The following SRRD variants were observed in gnomAD, a reference collection of about 807,000 sequenced individuals.
SRRD encodes the protein SRR1-like protein.
In SRRD, 28 loss-of-function variants were observed where a neutral mutation model predicts 30.7. That is an observed-to-expected ratio of 0.91 (90% CI 0.68 to 1.25). The LOEUF (loss-of-function observed/expected upper bound fraction) is 1.25. Ranked by LOEUF, SRRD falls within the 50% of genes most tolerant of loss-of-function variation. The pLI is 0.00. For synonymous variants in SRRD, 161 were observed against 159.6 expected (o/e 1.01, Z -0.07); for missense variants, 415 against 417.3 (o/e 0.99, Z 0.05).
intron 6 of SRRD, 74 bp downstream of exon 6, chr22:26,491,144 C>A (rs753393817): frequency 2.0e-6 from 3 of 1,470,118 alleles, no homozygotes; most frequent in Non-Finnish European, 2.8e-6. Context: ...TCTTTACAGG[C>A]GTAGGAGGAA....
rs1463957543 is a variant in SRRD at position 26,493,471 on chromosome 22, C to G, written c.*1799C>G. ...CAGACTAGACGATCCCATTTCAATG[C>G]TGCGAATCGGCTAATGAGCAACACT... On this transcript the variant is annotated 3_prime_UTR_variant, in exon 7 of 7. Coordinates refer to ENST00000215917, the MANE Select transcript of SRRD (RefSeq NM_001013694.3). The G allele has an allele frequency of 6.6e-6, 1 of 152,416 alleles. No homozygotes were observed. The highest frequency in any genetic ancestry group is 2.4e-5 in the African/African-American group (1 of 41,474). 9.4% of individuals were successfully genotyped at this position (152,416 alleles called of 1,614,324 possible).
Position 26,494,651 on chromosome 22 carries a change from A to C in SRRD, c.*2979A>C, listed in dbSNP as rs1441918989. On this transcript the variant is annotated 3_prime_UTR_variant, in exon 7 of 7. Coordinates refer to ENST00000215917, the MANE Select transcript of SRRD (RefSeq NM_001013694.3). ...GGCAAATGTCCAATAAATGGTGCCC[A>C]CTATGAAGATGACCTAACTCATTCC... The C allele has an allele frequency of 1.8e-6, 2 of 1,136,538 alleles. No homozygotes were observed. Among genetic ancestry groups the C allele is most frequent in the East Asian group, 2.5e-5 (1 of 40,328 alleles). 70.4% of individuals were successfully genotyped at this position (1,136,538 alleles called of 1,614,324 possible).
rs1921352068 is a variant in SRRD, at chr22:26,492,601, A to G, written c.*929A>G. On this transcript the variant is annotated 3_prime_UTR_variant, in exon 7 of 7. Coordinates refer to ENST00000215917, the MANE Select transcript of SRRD (RefSeq NM_001013694.3). The stretch of plus-strand genomic sequence containing the variant: ...AGTAACCAGATTATTAATATTCAAC[A>G]TTTTAAAATGAAGTATCTGCAAGGG... 1 of 531,910 alleles carries G rather than the reference A, an allele frequency of 1.9e-6. No homozygotes were observed. Among genetic ancestry groups the G allele is most frequent in the Admixed American group, 3.2e-5 (1 of 31,156 alleles). The allele number at this position is 531,910 out of a possible 1,614,324, so 32.9% of individuals were successfully genotyped here. A position where few individuals can be genotyped will look rare whatever the true frequency, so the allele number is the denominator to read the frequency against.
rs66831137 is a variant in SRRD, at chr22:26,483,980, G to GGAGGCGGCGCCCCGGGGGAGA, written c.129_149dup (p.Arg44_Gly50dup). ...CCGCGGCTCGACGGCCGCGGCGGAG[G>GGAGGCGGCGCCCCGGGGGAGA]GAGGCGGCGCCCCGGGGGAGAGAGG... On this transcript the variant is annotated inframe_insertion, in exon 1 of 7. Coordinates refer to ENST00000215917, the MANE Select transcript of SRRD (RefSeq NM_001013694.3). 160 of 1,333,704 alleles carry GGAGGCGGCGCCCCGGGGGAGA rather than the reference G, an allele frequency of 1.2e-4. No homozygotes were observed. In the African/African-American group the frequency reaches 1.5e-3, roughly 13 times the overall value. The allele number at this position is 1,333,704 out of a possible 1,614,324, so 82.6% of individuals were successfully genotyped here.
chr22:26,493,978 T>C lies in SRRD; in HGVS notation c.*2306T>C, dbSNP rs913450942. On this transcript the variant is annotated 3_prime_UTR_variant, in exon 7 of 7. Coordinates refer to ENST00000215917, the MANE Select transcript of SRRD (RefSeq NM_001013694.3). ...CTGGGCAGTGGGTGCCAGCTGACCA[T>C]GTACCCCAGTCAGCAGGGTGAGAGT... 4 of 729,938 alleles carry C rather than the reference T, an allele frequency of 5.5e-6. No homozygotes were observed. The highest frequency in any genetic ancestry group is 1.9e-5 in the South Asian group (1 of 52,860). The allele number at this position is 729,938 out of a possible 1,614,324, so 45.2% of individuals were successfully genotyped here.
rs1251063372 is a variant in SRRD at position 26,494,369 on chromosome 22, G to C, written c.*2697G>C. 2.5e-6 allele frequency: 4 copies of C among 1,595,728 alleles called. No individual in the cohort carries two copies. The African/African-American group carries it at 5.4e-5, about 21-fold the overall frequency. On this transcript the variant is annotated 3_prime_UTR_variant, in exon 7 of 7. Transcript: ENST00000215917. ...AAATGAAGGCAAGATTTCTGAAGTGGCCATTTGTTTTGTTTTGATCCTGGT... is the reference window on the plus strand; with the variant it reads ...AAATGAAGGCAAGATTTCTGAAGTGCCCATTTGTTTTGTTTTGATCCTGGT...
chr22:26,483,963 C>T lies in SRRD; in HGVS notation c.73C>T (p.Arg25Ter). 1 of 1,365,734 alleles carries T rather than the reference C, an allele frequency of 7.3e-7. No homozygotes were observed. The highest frequency in any genetic ancestry group is 1.7e-5 in the South Asian group (1 of 58,358). 84.6% of individuals were successfully genotyped at this position (1,365,734 alleles called of 1,614,324 possible). A position where few individuals can be genotyped will look rare whatever the true frequency, so the allele number is the denominator to read the frequency against. ...AAPRKRRSAA[R>*]RPRRREAAPR... The stretch of plus-strand genomic sequence containing the variant: ...TCCGCGGAAGAGGCGCTCCGCGGCT[C>T]GACGGCCGCGGCGGAGGGAGGCGGC... The change falls in exon 1 of 7, where the codon CGA becomes TGA. Residue 25 changes from arginine to a stop codon, truncating the protein, a stop_gained. Transcript: ENST00000215917. LOFTEE classifies it high-confidence loss of function.
chr22:26,493,795 T>C lies in SRRD; in HGVS notation c.*2123T>C, dbSNP rs530616311. ...GCGTGCCAAACTCCACACTGTAAGA[T>C]GCGTCACCTAAGCAGCATGCTCAGG... On this transcript the variant is annotated 3_prime_UTR_variant, in exon 7 of 7. Coordinates refer to ENST00000215917, the MANE Select transcript of SRRD (RefSeq NM_001013694.3). The C allele has an allele frequency of 9.0e-5, 24 of 267,306 alleles. No homozygotes were observed. The highest frequency in any genetic ancestry group is 8.0e-4 in the South Asian group (18 of 22,566). 16.6% of individuals were successfully genotyped at this position (267,306 alleles called of 1,614,324 possible).
chr22:26,487,212 T>C (rs539057547), intron 2 of SRRD, among the ~76,000 whole-genome samples: 13 of 152,264 alleles, frequency 8.5e-5, no homozygotes, highest in South Asian at 2.1e-4. Context: ...TGAGCCACCA[T>C]GCCTGGCCCT....
chr22:26,492,575 T>C lies in SRRD; in HGVS notation c.*903T>C. 1.7e-6 allele frequency: 1 copy of C among 578,586 alleles called. No homozygotes were observed. Among genetic ancestry groups the C allele is most frequent in the Non-Finnish European group, 3.1e-6 (1 of 323,542 alleles). 35.8% of individuals were successfully genotyped at this position (578,586 alleles called of 1,614,324 possible). ...GTTCAGAAGGTTCCTGGCTAGTATC[T>C]AGTAACCAGATTATTAATATTCAAC... On this transcript the variant is annotated 3_prime_UTR_variant, in exon 7 of 7. Coordinates refer to ENST00000215917, the MANE Select transcript of SRRD (RefSeq NM_001013694.3).
Position 26,491,784 on chromosome 22 carries a change from A to G in SRRD, c.*112A>G, listed in dbSNP as rs1921217446. 1 of 1,078,436 alleles carries G rather than the reference A, an allele frequency of 9.3e-7. No homozygotes were observed. Among genetic ancestry groups the G allele is most frequent in the East Asian group, 2.5e-5 (1 of 39,226 alleles). 66.8% of individuals were successfully genotyped at this position (1,078,436 alleles called of 1,614,324 possible). On this transcript the variant is annotated 3_prime_UTR_variant, in exon 7 of 7. Coordinates refer to ENST00000215917, the MANE Select transcript of SRRD (RefSeq NM_001013694.3). ...ACTCCTTTGCCAGGAAAGAACATCA[A>G]CTTGGCTGTCCTGTTTTGAGGACGA...
Position 26,488,210 on chromosome 22 carries a change from C to G in SRRD, c.432C>G (p.Tyr144Ter). The change falls in exon 3 of 7, where the codon TAC (tyrosine) becomes TAG (stop). Residue 144 changes from tyrosine (Y) to a stop codon, truncating the protein, a stop_gained. Coordinates refer to ENST00000215917, the MANE Select transcript of SRRD (RefSeq NM_001013694.3). LOFTEE classifies it high-confidence loss of function. ...TGTCHLKCVC[Y>*]GIGNFATCIV... ...CCTGCCATTTGAAGTGTGTGTGTTACGGCATTGGGAACTTTGCCACCTGCA... is the reference window on the plus strand; with the variant it reads ...CCTGCCATTTGAAGTGTGTGTGTTAGGGCATTGGGAACTTTGCCACCTGCA... The G allele has an allele frequency of 6.2e-7, 1 of 1,614,178 alleles. No individual in the cohort carries two copies. Among genetic ancestry groups the G allele is most frequent in the Non-Finnish European group, 8.5e-7 (1 of 1,180,044 alleles).
chr22:26,491,746 G>T lies in SRRD; in HGVS notation c.*74G>T. The T allele has an allele frequency of 7.3e-7, 1 of 1,371,418 alleles. No homozygotes were observed. Among genetic ancestry groups the T allele is most frequent in the Non-Finnish European group, 1.0e-6 (1 of 994,690 alleles). The allele number at this position is 1,371,418 out of a possible 1,614,324, so 85.0% of individuals were successfully genotyped here. A position where few individuals can be genotyped will look rare whatever the true frequency, so the allele number is the denominator to read the frequency against. On this transcript the variant is annotated 3_prime_UTR_variant, in exon 7 of 7. Coordinates refer to ENST00000215917, the MANE Select transcript of SRRD (RefSeq NM_001013694.3). ...AGACTAAAGGGAAGGCTGCTATGGA[G>T]GAACTACAGAGAACTCCTTTGCCAG...
rs1161268128 is a variant in SRRD, at chr22:26,491,329, T to A, written c.811-134T>A. The A allele has an allele frequency of 2.2e-5, 18 of 807,234 alleles. No homozygotes were observed. The South Asian group carries it at 3.2e-4, about 14-fold the overall frequency. The allele number at this position is 807,234 out of a possible 1,614,324, so 50.0% of individuals were successfully genotyped here. ...CGCCCAATTCATTGTGCAAAAGCAT[T>A]TAAATCAAAATACCCTATTTGTTAT... On this transcript the variant is annotated intron_variant, in intron 6 of 6. Coordinates refer to ENST00000215917, the MANE Select transcript of SRRD (RefSeq NM_001013694.3).
Position 26,492,208 on chromosome 22 carries a change from A to T in SRRD, c.*536A>T, listed in dbSNP as rs1210969044. Reference sequence around the variant, plus strand: ...CAGCCTTGGTCTCAATGAGGTCCTTAAAGTTCATGGGCACAGAGCTAGCGG... The same window carrying T: ...CAGCCTTGGTCTCAATGAGGTCCTTTAAGTTCATGGGCACAGAGCTAGCGG... On this transcript the variant is annotated 3_prime_UTR_variant, in exon 7 of 7. Transcript: ENST00000215917. 6.2e-6 allele frequency: 10 copies of T among 1,614,108 alleles called. No homozygotes were observed. The highest frequency in any genetic ancestry group is 1.3e-5 in the African/African-American group (1 of 74,934).
At position 26,494,132 on chromosome 22, in the gene SRRD, C is replaced by T; in HGVS notation, c.*2460C>T. On this transcript the variant is annotated 3_prime_UTR_variant, in exon 7 of 7. Coordinates refer to ENST00000215917, the MANE Select transcript of SRRD (RefSeq NM_001013694.3). ...CCAGGACATCCAAAATGGGAATCCT[C>T]ACTTACCAACGTTGGAGGACACCGC... The T allele has an allele frequency of 6.2e-7, 1 of 1,612,432 alleles. No individual in the cohort carries two copies. The highest frequency in any genetic ancestry group is 2.2e-5 in the East Asian group (1 of 44,840).
Position 26,490,157 on chromosome 22 carries a change from G to GA in SRRD, c.724dup (p.Met242AsnfsTer12). On this transcript the variant is annotated frameshift_variant, in exon 5 of 7. Coordinates refer to ENST00000215917, the MANE Select transcript of SRRD (RefSeq NM_001013694.3). LOFTEE classifies it high-confidence loss of function. ...ACTGGTCAGTAGATGCCCTTTCTAA[G>GA]ATGGTCATCATTGGGAACAGTTTCA... 6.2e-7 allele frequency: 1 copy of GA among 1,614,182 alleles called. No homozygotes were observed. Among genetic ancestry groups the GA allele is most frequent in the East Asian group, 2.2e-5 (1 of 44,880 alleles).
Position 26,491,528 on chromosome 22 carries a change from T to TA in SRRD, c.877dup (p.Thr293AsnfsTer31), listed in dbSNP as rs1454157287. The TA allele has an allele frequency of 1.9e-6, 3 of 1,614,182 alleles. No homozygotes were observed. The highest frequency in any genetic ancestry group is 1.3e-5 in the African/African-American group (1 of 75,062). ...CACAATACATGGACATATTTAATGA[T>TA]ACCTCTGTCCACTGGTTCCCTGTGC... On this transcript the variant is annotated frameshift_variant, in exon 7 of 7. Coordinates refer to ENST00000215917, the MANE Select transcript of SRRD (RefSeq NM_001013694.3). LOFTEE classifies it low-confidence loss of function (END_TRUNC).
intron 1 of SRRD, 87 bp from the exon 2 acceptor site, chr22:26,485,936 A>C: frequency 6.6e-7 from 1 of 1,512,932 alleles, no homozygotes; most frequent in Non-Finnish European, 9.2e-7. Flanking sequence ...CTCATTCTGT[A>C]AGCATTCAGG....
Sources: allele counts gnomAD v4.1 joint callset (sites outside exome capture counted in the v4.1 genomes callset), GRCh38; gene constraint gnomAD v4.1.1; transcripts MANE v1.5; gene names NCBI Gene and HGNC (gene_info 2026-07-23, HGNC 2026-07-21).